CNTNAP2: variants seen among roughly 807,000 people sequenced by gnomAD.
CNTNAP2 encodes contactin-associated protein-like 2.
CNTNAP2 carries 98 observed loss-of-function variants against 155.2 expected under a neutral mutation model. The ratio of observed to expected loss-of-function variants is 0.63; its 90% CI spans 0.54 to 0.75. The LOEUF (loss-of-function observed/expected upper bound fraction) is 0.75, where lower values mean the gene tolerates loss of function less well. Ranked by LOEUF, CNTNAP2 falls within the 30% of genes least tolerant of loss-of-function variation. The pLI, the probability that CNTNAP2 is intolerant of heterozygous loss-of-function variation, is 0.00. For synonymous variants in CNTNAP2, 651 were observed against 631.2 expected (o/e 1.03, Z -0.47); for missense variants, 1,727 against 1,688.1 (o/e 1.02, Z -0.40).
chr7:147,315,638 G>A (rs1489115062), intron 9 of CNTNAP2, among the ~76,000 whole-genome samples: 2 of 151,594 alleles, frequency 1.3e-5, no homozygotes, highest in African/African-American at 2.4e-5. Flanking sequence ...CCCGCCACAC[G>A]CCCGGCTAAT....
chr7:148,291,803 G>C (rs118128641), intron 21 of CNTNAP2, among the ~76,000 whole-genome samples: 4,363 of 152,090 alleles, frequency 0.029, 85 homozygotes, highest in Non-Finnish European at 0.041. Flanking sequence ...ACAAATATAT[G>C]AAATTTCTAC....
At position 147,437,870 on chromosome 7, in the gene CNTNAP2, G is replaced by A. The variant is rs552833498; in HGVS notation, c.1670+42090G>A. Among the ~76,000 whole-genome samples the A allele has an allele frequency of 2.2e-3, 335 of 151,842 alleles. 1 individual carries two copies. The highest frequency in any genetic ancestry group is 3.4e-3 in the Non-Finnish European group (234 of 67,848). ...TATGGTGTCCTATTCAATTTCTTTC[G>A]TGTTTTATACTTTTCATTATAGAGA... On this transcript the variant is annotated intron_variant, in intron 10 of 23. Transcript: ENST00000361727.
intron 10 of CNTNAP2, among the ~76,000 whole-genome samples, chr7:147,405,174 GATAA>G (rs1349271573): frequency 6.6e-6 from 1 of 152,116 alleles, no homozygotes; most frequent in Non-Finnish European, 1.5e-5. Context: ...AAAGGAAATA[GATAA>G]ATAGTTTTAA....
intron 10 of CNTNAP2, among the ~76,000 whole-genome samples, chr7:147,458,401 G>A (rs1001194499): frequency 4.6e-5 from 7 of 152,016 alleles, no homozygotes; most frequent in African/African-American, 1.7e-4. Flanking sequence ...TCTACTTATT[G>A]AGATACTGTG....
At chr7:147,121,246 A>G in intron 6 of CNTNAP2, 83 bp downstream of exon 6, 1 of 1,328,416 alleles carries the variant, frequency 7.5e-7, no homozygotes, top group Non-Finnish European at 1.1e-6. Context: ...TGTTAATTAT[A>G]TTACTACTTA....
chr7:147,938,418 A>G (rs1037012586), intron 14 of CNTNAP2, among the ~76,000 whole-genome samples: 2 of 152,320 alleles, frequency 1.3e-5, no homozygotes, highest in Middle Eastern at 3.4e-3. Context: ...TATAGAGGAA[A>G]CACGAAGAAT....
chr7:147,339,487 C>T (rs558806415), intron 9 of CNTNAP2, among the ~76,000 whole-genome samples: 2 of 152,304 alleles, frequency 1.3e-5, no homozygotes, highest in South Asian at 2.1e-4. Flanking sequence ...GCTGCCCAGT[C>T]TTGAACTTTG....
intron 1 of CNTNAP2, among the ~76,000 whole-genome samples, chr7:146,668,444 GTGTGTGT>G (rs1563180666): frequency 7.3e-5 from 11 of 149,866 alleles, no homozygotes; most frequent in East Asian, 1.9e-4. Flanking sequence ...GTGTGTGTGT[GTGTGTGT>G]GTGTGTGTGT....
chr7:148,110,346 C>T (rs1207729433), intron 15 of CNTNAP2, among the ~76,000 whole-genome samples: 2 of 152,012 alleles, frequency 1.3e-5, no homozygotes, highest in Non-Finnish European at 2.9e-5. Context: ...GGTCGGCTTC[C>T]TCAGCCTGCA....
intron 3 of CNTNAP2, among the ~76,000 whole-genome samples, chr7:146,916,558 A>C (rs992719089): frequency 3.3e-5 from 5 of 152,058 alleles, no homozygotes; most frequent in Middle Eastern, 3.2e-3. Context: ...TTAATCTAGG[A>C]GGGTTGTATA....
chr7:148,124,928 G>A (rs572253402), intron 16 of CNTNAP2, among the ~76,000 whole-genome samples: 86 of 152,186 alleles, frequency 5.7e-4, no homozygotes, highest in African/African-American at 2.0e-3. Context: ...AAGGAATGGG[G>A]AAAAGAATTC....
intron 13 of CNTNAP2, among the ~76,000 whole-genome samples, chr7:147,791,672 C>G (rs775156154): frequency 6.6e-6 from 1 of 152,114 alleles, no homozygotes; most frequent in Non-Finnish European, 1.5e-5. Context: ...CTCATGCATC[C>G]TCTGCCCCAG....
intron 9 of CNTNAP2, among the ~76,000 whole-genome samples, chr7:147,362,319 G>T (rs1287933151): frequency 6.6e-6 from 1 of 152,134 alleles, no homozygotes; most frequent in African/African-American, 2.4e-5. Context: ...ACTCTTAGTA[G>T]AGACAAGATC....
chr7:147,092,962 C>T (rs895424246), intron 4 of CNTNAP2, among the ~76,000 whole-genome samples: 6 of 152,176 alleles, frequency 3.9e-5, no homozygotes, highest in African/African-American at 1.2e-4. Context: ...GTGGCTCACG[C>T]CTGTAATCCC....
intron 13 of CNTNAP2, among the ~76,000 whole-genome samples, chr7:147,667,836 AAG>A (rs1795723345): frequency 6.6e-6 from 1 of 151,260 alleles, no homozygotes. Flanking sequence ...AAAAAAATAA[AAG>A]ATACCAATGC....
intron 1 of CNTNAP2, among the ~76,000 whole-genome samples, chr7:146,581,631 T>G (rs745881984): frequency 1.5e-4 from 23 of 149,176 alleles, no homozygotes; most frequent in Non-Finnish European, 3.4e-4. Flanking sequence ...TGTATTATAA[T>G]AAACAAGAAA....
chr7:148,391,713 G>T (rs1485102093), intron 22 of CNTNAP2, among the ~76,000 whole-genome samples: 1 of 152,116 alleles, frequency 6.6e-6, no homozygotes, highest in Non-Finnish European at 1.5e-5. Context: ...TCTAATTTAG[G>T]GAATCTTATT....
intron 21 of CNTNAP2, among the ~76,000 whole-genome samples, chr7:148,285,550 C>A (rs761878635): frequency 1.3e-5 from 2 of 152,356 alleles, no homozygotes; most frequent in South Asian, 4.1e-4. Flanking sequence ...ATGTTGAATG[C>A]CTTCCAAGTG....
chr7:147,064,678 G>A (rs556309954), intron 4 of CNTNAP2, among the ~76,000 whole-genome samples: 31 of 152,206 alleles, frequency 2.0e-4, no homozygotes, highest in Non-Finnish European at 3.8e-4. Flanking sequence ...TAATAGCAGA[G>A]GGGACTTATT....
Sources: gnomAD v4.1 joint callset for allele counts (sites outside exome capture counted in the v4.1 genomes callset) on GRCh38, gnomAD v4.1.1 for gene constraint, MANE v1.5 for transcripts, NCBI Gene and HGNC (gene_info 2026-07-23, HGNC 2026-07-21) for gene names.